Variants in PCDH15 observed in about 807,000 individuals in gnomAD.
The protein encoded by PCDH15 is protocadherin related 15.
In PCDH15, 129 loss-of-function variants were observed where a neutral mutation model predicts 178.5. The ratio of observed to expected loss-of-function variants is 0.72; its 90% CI spans 0.63 to 0.84. The LOEUF (loss-of-function observed/expected upper bound fraction) is 0.84, where lower values mean the gene tolerates loss of function less well. PCDH15 is among the 40% of genes least tolerant of loss of function. The pLI, the probability that PCDH15 is intolerant of heterozygous loss-of-function variation, is 0.00. For synonymous variants in PCDH15, 800 were observed against 732.0 expected, an observed-to-expected ratio of 1.09 and a Z score of -1.50; for missense variants, 2,230 against 2,099.9, an observed-to-expected ratio of 1.06 and a Z score of -1.21.
intron 1 of PCDH15, among the ~76,000 whole-genome samples, chr10:54,725,708 T>G (rs1591303797): frequency 1.3e-5 from 2 of 151,174 alleles, no homozygotes; most frequent in African/African-American, 2.4e-5. Flanking sequence ...ATTTTTACAG[T>G]TTTTTAAAGC....
chr10:54,242,679 A>G (rs1302425026), intron 8 of PCDH15, among the ~76,000 whole-genome samples: 1 of 152,172 alleles, frequency 6.6e-6, no homozygotes, highest in East Asian at 1.9e-4. Flanking sequence ...GATAGACATA[A>G]TAGAAGCATT....
At chr10:54,148,374 A>G (rs2044193619) in intron 14 of PCDH15, among the ~76,000 whole-genome samples, 1 of 152,106 alleles carries the variant, frequency 6.6e-6, no homozygotes, top group Admixed American at 6.6e-5. Context: ...GTATTTGTAT[A>G]TAATCTATGC....
intron 21 of PCDH15, among the ~76,000 whole-genome samples, chr10:53,976,795 T>A (rs890707386): frequency 5.6e-4 from 85 of 152,024 alleles, no homozygotes; most frequent in African/African-American, 2.0e-3. Flanking sequence ...ATTTACGGTG[T>A]CTTTTAAATA....
chr10:54,345,910 T>G (rs1943201891), intron 6 of PCDH15, among the ~76,000 whole-genome samples: 1 of 151,896 alleles, frequency 6.6e-6, no homozygotes, highest in Non-Finnish European at 1.5e-5. Flanking sequence ...GGCTTTGTCT[T>G]GTCTTCTTCT....
intron 4 of PCDH15, among the ~76,000 whole-genome samples, chr10:54,375,312 G>T (rs1478853961): frequency 6.6e-6 from 1 of 152,042 alleles, no homozygotes; most frequent in East Asian, 1.9e-4. Context: ...CAAGGAAGTG[G>T]AGTAAAATTA....
chr10:55,618,109 A>G (rs1336020607), intron 2 of PCDH15, among the ~76,000 whole-genome samples: 1 of 152,048 alleles, frequency 6.6e-6, no homozygotes. Flanking sequence ...ACAATTCTAG[A>G]AGAATCCAGG....
chr10:55,557,096 G>A (rs886299130), intron 2 of PCDH15, among the ~76,000 whole-genome samples: 1 of 152,050 alleles, frequency 6.6e-6, no homozygotes, highest in African/African-American at 2.4e-5. Context: ...AATTGTACCA[G>A]TTTTAATATA....
chr10:54,325,018 T>C (rs2061851565), intron 7 of PCDH15, among the ~76,000 whole-genome samples: 1 of 30,258 alleles, frequency 3.3e-5, no homozygotes, highest in South Asian at 7.3e-4. Context: ...TTGATCTTTC[T>C]AGATCTACCC....
chr10:54,272,130 A>C (rs900295872), intron 8 of PCDH15, among the ~76,000 whole-genome samples: 21 of 150,340 alleles, frequency 1.4e-4, no homozygotes, highest in African/African-American at 4.9e-4. Context: ...AAATTCACCT[A>C]GTATTTTTAA....
chr10:55,372,145 A>G (rs181541881), intron 2 of PCDH15, among the ~76,000 whole-genome samples: 157 of 152,270 alleles, frequency 1.0e-3, no homozygotes, highest in Non-Finnish European at 3.2e-4. Flanking sequence ...TTTGATCTTC[A>G]TAACAAACCT....
At chr10:55,389,669 T>A (rs866300112) in intron 2 of PCDH15, among the ~76,000 whole-genome samples, 37 of 152,082 alleles carry the variant, frequency 2.4e-4, no homozygotes, top group African/African-American at 8.4e-4. Flanking sequence ...GTTTTTCTTA[T>A]CTTCATAAGA....
At chr10:54,687,598 A>C (rs2095037350) in intron 1 of PCDH15, among the ~76,000 whole-genome samples, 1 of 152,252 alleles carries the variant, frequency 6.6e-6, no homozygotes, top group Middle Eastern at 3.4e-3. Flanking sequence ...CTGTTAAGTC[A>C]GCTTAGGAAA....
rs538324304 is a variant in PCDH15, at chr10:54,904,497, A to T, written c.-79-6997T>A. On this transcript the variant is annotated intron_variant, in intron 2 of 5. Transcript: ENST00000458638. ...AAAAAAAAATCTCAGGTTGGAACAA[A>T]ATCTATATAATAAGATGACAAAATA... is the stretch of plus-strand genomic sequence containing the variant. 2.6e-5 allele frequency among the ~76,000 whole-genome samples: 4 copies of T among 152,220 alleles called. No homozygotes were observed. In the East Asian group the frequency reaches 7.7e-4, roughly 29 times the overall value.
intron 1 of PCDH15, among the ~76,000 whole-genome samples, chr10:54,684,672 A>G (rs1318359665): frequency 6.6e-6 from 1 of 152,086 alleles, no homozygotes; most frequent in Non-Finnish European, 1.5e-5. Flanking sequence ...ATATTTAAGA[A>G]GGGAGGAAAT....
intron 2 of PCDH15, among the ~76,000 whole-genome samples, chr10:54,608,386 C>T (rs958820917): frequency 1.3e-5 from 2 of 151,602 alleles, no homozygotes; most frequent in East Asian, 3.9e-4. Flanking sequence ...GTGGGAGAAA[C>T]GCTTCAACTC....
intron 3 of PCDH15, among the ~76,000 whole-genome samples, chr10:54,852,117 A>T (rs1591742049): frequency 6.6e-6 from 1 of 152,346 alleles, no homozygotes; most frequent in Non-Finnish European, 1.5e-5. Flanking sequence ...ATGTAGAAAA[A>T]TGAGCATCCA....
chr10:54,917,628 A>C (rs1366714410), intron 2 of PCDH15, among the ~76,000 whole-genome samples: 1 of 152,198 alleles, frequency 6.6e-6, no homozygotes, highest in Non-Finnish European at 1.5e-5. Flanking sequence ...ATGCTCTGTG[A>C]CTTGAATACT....
intron 2 of PCDH15, among the ~76,000 whole-genome samples, chr10:55,057,692 T>C (rs552867791): frequency 6.6e-6 from 1 of 152,298 alleles, no homozygotes; most frequent in South Asian, 2.1e-4. Flanking sequence ...ATATAAGCCA[T>C]TGACTTAAAA....
intron 2 of PCDH15, among the ~76,000 whole-genome samples, chr10:54,950,247 C>A (rs1291353773): frequency 6.6e-6 from 1 of 151,956 alleles, no homozygotes; most frequent in African/African-American, 2.4e-5. Flanking sequence ...GGAAGCAAGG[C>A]ATCTTCTTCA....
Sources: allele counts gnomAD v4.1 joint callset (sites outside exome capture counted in the v4.1 genomes callset), GRCh38; gene constraint gnomAD v4.1.1; transcripts MANE v1.5; gene names NCBI Gene and HGNC (gene_info 2026-07-23, HGNC 2026-07-21).